Variants in KITLG observed in about 807,000 individuals in gnomAD.
KITLG encodes KIT ligand.
A neutral mutation model predicts 34.1 loss-of-function variants in KITLG; 13 were observed. That is an observed-to-expected ratio of 0.38 (90% CI 0.25 to 0.61). The LOEUF (loss-of-function observed/expected upper bound fraction) is 0.61, where lower values mean the gene tolerates loss of function less well. Ranked by LOEUF, KITLG falls within the 20% of genes least tolerant of loss-of-function variation. The pLI, the probability that KITLG is intolerant of heterozygous loss-of-function variation, is 0.60. For missense variants in KITLG, 292 were observed against 318.9 expected (o/e 0.92, Z 0.64); for synonymous variants, 110 against 104.0 (o/e 1.06, Z -0.35).
At chr12:88,579,451 A>AT (rs1336645582) in intron 1 of KITLG, among the ~76,000 whole-genome samples, 1 of 151,842 alleles carries the variant, frequency 6.6e-6, no homozygotes, top group African/African-American at 2.4e-5. Context: ...AGAACCAGGT[A>AT]TTTTCTTCAA....
intron 1 of KITLG, among the ~76,000 whole-genome samples, chr12:88,551,190 A>G (rs1487458264): frequency 2.6e-5 from 4 of 152,170 alleles, no homozygotes; most frequent in Non-Finnish European, 4.4e-5. Context: ...AAAAATATCC[A>G]CCTTTCATAA....
chr12:88,536,130 GA>G (rs2120888454), intron 2 of KITLG, among the ~76,000 whole-genome samples: 2 of 152,146 alleles, frequency 1.3e-5, no homozygotes, highest in South Asian at 4.1e-4. Flanking sequence ...CAGAATGGGG[GA>G]AAATATTTGT....
At chr12:88,512,309 A>G (rs1374377770) in intron 6 of KITLG, among the ~76,000 whole-genome samples, 1 of 152,130 alleles carries the variant, frequency 6.6e-6, no homozygotes, top group African/African-American at 2.4e-5. Context: ...GCAGAACAAA[A>G]GGTCAATGAA....
intron 6 of KITLG, among the ~76,000 whole-genome samples, chr12:88,513,678 T>A (rs1869360211): frequency 6.6e-6 from 1 of 151,580 alleles, no homozygotes; most frequent in African/African-American, 2.4e-5. Flanking sequence ...TGAGGGATAT[T>A]TCAGTAAGAT....
At chr12:88,548,964 A>T (rs3782178) in intron 1 of KITLG, among the ~76,000 whole-genome samples, 5,022 of 152,268 alleles carry the variant, frequency 0.033, 231 homozygotes, top group African/African-American at 0.099. Context: ...AATTTTTAAC[A>T]GGGTAATATT....
chr12:88,510,110 G>T (rs1869222619), intron 6 of KITLG, among the ~76,000 whole-genome samples: 1 of 152,182 alleles, frequency 6.6e-6, no homozygotes, highest in Admixed American at 6.5e-5. Flanking sequence ...CTTGGGAACT[G>T]ACTTGTTTCA....
intron 1 of KITLG, among the ~76,000 whole-genome samples, chr12:88,558,485 C>G (rs1798010): frequency 0.027 from 4,153 of 152,278 alleles, 190 homozygotes; most frequent in African/African-American, 0.094. Context: ...CATCAGATGA[C>G]AAGCTTGATT....
At chr12:88,499,856 C>T (rs1287466245) in intron 9 of KITLG, among the ~76,000 whole-genome samples, 2 of 152,164 alleles carry the variant, frequency 1.3e-5, no homozygotes, top group Non-Finnish European at 2.9e-5. Flanking sequence ...CATTCTCTCT[C>T]ACATCTTATT....
intron 3 of KITLG, among the ~76,000 whole-genome samples, chr12:88,527,794 C>T (rs1054444963): frequency 1.8e-4 from 28 of 152,178 alleles, no homozygotes; most frequent in African/African-American, 2.9e-4. Context: ...TCATCACTTT[C>T]GTAGCATTGT....
At chr12:88,569,853 C>A (rs1165671292) in intron 1 of KITLG, among the ~76,000 whole-genome samples, 2 of 152,014 alleles carry the variant, frequency 1.3e-5, no homozygotes, top group Non-Finnish European at 2.9e-5. Context: ...GACAATCACC[C>A]ATTTAAAATC....
intron 1 of KITLG, 92 bp from the exon 2 acceptor site, chr12:88,545,957 G>A (rs781568486): frequency 2.0e-5 from 16 of 787,386 alleles, no homozygotes; most frequent in South Asian, 1.7e-4. Context: ...TGCACAAAAA[G>A]ACCAGTCTAA....
At chr12:88,563,541 T>G (rs1429179439) in intron 1 of KITLG, among the ~76,000 whole-genome samples, 1 of 152,226 alleles carries the variant, frequency 6.6e-6, no homozygotes, top group African/African-American at 2.4e-5. Context: ...CACATTTTCA[T>G]GCTAATAATC....
chr12:88,551,771 TA>T (rs1870923707), intron 1 of KITLG, among the ~76,000 whole-genome samples: 1 of 152,198 alleles, frequency 6.6e-6, no homozygotes, highest in Non-Finnish European at 1.5e-5. Context: ...GTCCATGTCC[TA>T]ATTCTTGGAA....
chr12:88,509,631 G>A (rs910602338), intron 6 of KITLG, among the ~76,000 whole-genome samples: 5 of 152,148 alleles, frequency 3.3e-5, no homozygotes, highest in Non-Finnish European at 5.9e-5. Flanking sequence ...ATGGCGGGGC[G>A]GCAGTGGAGA....
At chr12:88,563,384 G>C (rs1871351467) in intron 1 of KITLG, among the ~76,000 whole-genome samples, 1 of 152,134 alleles carries the variant, frequency 6.6e-6, no homozygotes, top group South Asian at 2.1e-4. Flanking sequence ...AACAAAACCA[G>C]CTACCTTTTC....
At position 88,505,202 on chromosome 12, in the gene KITLG, T is replaced by C. The variant is rs1291612007; in HGVS notation, c.816A>G (p.Glu272=). Reference sequence around the variant, plus strand: ...GTGTTGATACAAGCCACAATTACACTTCTTGAAACTCTCTCTCTTTCTCTT... The same window carrying C: ...GTGTTGATACAAGCCACAATTACACCTCTTGAAACTCTCTCTCTTTCTCTT... The part of the protein sequence containing the change: ...MLQEKEREFQ[E]V Residue 272 remains glutamate, a synonymous_variant, in exon 9 of 10, where the codon GAA becomes GAG. Coordinates refer to ENST00000644744, the MANE Select transcript of KITLG (RefSeq NM_000899.5). 5.0e-6 allele frequency: 8 copies of C among 1,609,938 alleles called. No individual in the cohort carries two copies. The highest frequency in any genetic ancestry group is 6.8e-6 in the Non-Finnish European group (8 of 1,176,472).
At chr12:88,531,715 G>A (rs945727036) in intron 3 of KITLG, among the ~76,000 whole-genome samples, 7 of 149,034 alleles carry the variant, frequency 4.7e-5, no homozygotes, top group African/African-American at 1.8e-4. Flanking sequence ...TTACACTGAA[G>A]TCCTTTTTTA....
At chr12:88,501,374 C>G (rs1868848952) in intron 9 of KITLG, among the ~76,000 whole-genome samples, 1 of 152,208 alleles carries the variant, frequency 6.6e-6, no homozygotes, top group African/African-American at 2.4e-5. Flanking sequence ...GATTATAATC[C>G]AAATTATATC....
Position 88,558,373 on chromosome 12 carries a change from T to A in KITLG, c.16-12508A>T, listed in dbSNP as rs140930078. Among the ~76,000 whole-genome samples, 45 of 151,526 alleles carry A rather than the reference T, an allele frequency of 3.0e-4. No individual in the cohort carries two copies. In the East Asian group the frequency reaches 8.4e-3, roughly 28 times the overall value. ...TTTTACTACATGAGAATAAACTAAA[T>A]CTTTATACTCTACTTTAACTGCTTC... is the stretch of plus-strand genomic sequence containing the variant. On this transcript the variant is annotated intron_variant, in intron 1 of 9. Coordinates refer to ENST00000644744, the MANE Select transcript of KITLG (RefSeq NM_000899.5).
Sources: gnomAD v4.1 joint callset for allele counts (sites outside exome capture counted in the v4.1 genomes callset) on GRCh38, gnomAD v4.1.1 for gene constraint, MANE v1.5 for transcripts, NCBI Gene and HGNC (gene_info 2026-07-23, HGNC 2026-07-21) for gene names.